Variants in B3GALT1 observed in about 807,000 individuals in gnomAD.
B3GALT1 encodes UDP-Gal:betaGlcNAc beta 1,3-galactosyltransferase, polypeptide 1.
In B3GALT1, 10 loss-of-function variants were observed where a neutral mutation model predicts 23.2. The observed-to-expected ratio is 0.43, with a 90% CI of 0.27 to 0.73. The LOEUF is 0.73. B3GALT1 is among the 30% of genes least tolerant of loss of function. The probability of loss-of-function intolerance (pLI) is 0.21; values close to 1 mark genes in which losing one functional copy is unlikely to be tolerated. For missense variants in B3GALT1, 299 were observed against 405.4 expected, an observed-to-expected ratio of 0.74 and a Z score of 2.25; for synonymous variants, 156 against 141.5, an observed-to-expected ratio of 1.10 and a Z score of -0.73.
intron 1 of B3GALT1, among the ~76,000 whole-genome samples, chr2:167,318,195 C>T (rs574094493): frequency 7.2e-5 from 11 of 151,898 alleles, no homozygotes; most frequent in African/African-American, 2.2e-4. Flanking sequence ...GGTGTGGTGG[C>T]GGGCGCCTGT....
At chr2:167,336,165 C>T (rs1410521896) in intron 1 of B3GALT1, among the ~76,000 whole-genome samples, 1 of 152,098 alleles carries the variant, frequency 6.6e-6, no homozygotes, top group Non-Finnish European at 1.5e-5. Flanking sequence ...AAATTTACAG[C>T]TGTAATGACC....
intron 3 of B3GALT1, among the ~76,000 whole-genome samples, chr2:167,688,916 A>C (rs1391307124): frequency 6.6e-6 from 1 of 152,042 alleles, no homozygotes; most frequent in Non-Finnish European, 1.5e-5. Context: ...TGTATTTACT[A>C]TGTGTGTATG....
intron 1 of B3GALT1, among the ~76,000 whole-genome samples, chr2:167,310,304 T>TGA (rs944664423): frequency 1.5e-4 from 23 of 152,024 alleles, no homozygotes; most frequent in Non-Finnish European, 8.8e-5. Context: ...TATTTACGTT[T>TGA]GAGAGAGAGG....
chr2:167,554,377 A>G (rs947954649), intron 2 of B3GALT1, among the ~76,000 whole-genome samples: 1 of 152,216 alleles, frequency 6.6e-6, no homozygotes, highest in African/African-American at 2.4e-5. Context: ...TAAGGAAGAC[A>G]TCACTAAGCC....
chr2:167,433,120 C>T (rs1698729563), intron 1 of B3GALT1, among the ~76,000 whole-genome samples: 1 of 152,184 alleles, frequency 6.6e-6, no homozygotes. Context: ...TCCTGGAAAC[C>T]ACTAATGGCT....
intron 1 of B3GALT1, among the ~76,000 whole-genome samples, chr2:167,408,834 A>C (rs1161418857): frequency 6.6e-6 from 1 of 151,930 alleles, no homozygotes; most frequent in East Asian, 1.9e-4. Context: ...ACAAAAAAAA[A>C]ACACTGTGCA....
chr2:167,465,260 G>A (rs956499355), intron 1 of B3GALT1, among the ~76,000 whole-genome samples: 2 of 152,014 alleles, frequency 1.3e-5, no homozygotes, highest in Non-Finnish European at 2.9e-5. Context: ...TGTTGCCCAT[G>A]GTGGAATACA....
intron 3 of B3GALT1, among the ~76,000 whole-genome samples, chr2:167,771,777 A>C (rs1688076366): frequency 1.3e-5 from 2 of 152,188 alleles, no homozygotes; most frequent in Non-Finnish European, 2.9e-5. Context: ...TCTACTATGC[A>C]AAAGTAGAGG....
rs1366541815 is a variant in B3GALT1, at chr2:167,611,255, A to G, written c.-409-35654A>G. Among the ~76,000 whole-genome samples, 9 of 152,076 alleles carry G rather than the reference A, an allele frequency of 5.9e-5. No homozygotes were observed. In the East Asian group the frequency reaches 1.5e-3, roughly 26 times the overall value. ...TAATTGAGAAGTTGCTTCACCAATC[A>G]TATTGCCTATGTAGAATAATTCTAG... On this transcript the variant is annotated intron_variant, in intron 2 of 4. Coordinates refer to ENST00000392690, the MANE Select transcript of B3GALT1 (RefSeq NM_020981.4).
At chr2:167,431,839 C>T (rs954088086) in intron 1 of B3GALT1, among the ~76,000 whole-genome samples, 8 of 152,146 alleles carry the variant, frequency 5.3e-5, no homozygotes, top group African/African-American at 1.4e-4. Context: ...GATTATCCCC[C>T]TCTATTCTAA....
intron 2 of B3GALT1, among the ~76,000 whole-genome samples, chr2:167,631,022 G>C (rs1054216883): frequency 7.7e-6 from 1 of 129,178 alleles, no homozygotes; most frequent in Non-Finnish European, 1.6e-5. Context: ...AAAAAAAAGG[G>C]GGGGGAATTT....
At chr2:167,382,553 T>C (rs1349089803) in intron 1 of B3GALT1, among the ~76,000 whole-genome samples, 1 of 152,156 alleles carries the variant, frequency 6.6e-6, no homozygotes, top group Non-Finnish European at 1.5e-5. Flanking sequence ...CAAGAGCTAA[T>C]TGAGCTTTTA....
At chr2:167,670,031 G>A (rs115612776) in intron 3 of B3GALT1, among the ~76,000 whole-genome samples, 280 of 152,250 alleles carry the variant, frequency 1.8e-3, no homozygotes, top group African/African-American at 6.5e-3. Flanking sequence ...AATCTCAGAG[G>A]ATACATCACC....
chr2:167,336,780 T>G, intron 1 of B3GALT1, among the ~76,000 whole-genome samples: 1 of 152,290 alleles, frequency 6.6e-6, no homozygotes, highest in East Asian at 1.9e-4. Context: ...TGATTTTTTC[T>G]TAAATCAGTA....
chr2:167,679,112 T>A (rs1686480987), intron 3 of B3GALT1, among the ~76,000 whole-genome samples: 1 of 118,022 alleles, frequency 8.5e-6, no homozygotes, highest in Admixed American at 9.5e-5. Context: ...GTTTTTGTTT[T>A]TTTGTTTTTG....
chr2:167,652,617 C>T (rs1039403561), intron 3 of B3GALT1, among the ~76,000 whole-genome samples: 1 of 152,056 alleles, frequency 6.6e-6, no homozygotes, highest in Non-Finnish European at 1.5e-5. Context: ...TTACAGATTC[C>T]TTTTAAATGA....
At chr2:167,700,427 A>G (rs1005478134) in intron 3 of B3GALT1, among the ~76,000 whole-genome samples, 1 of 152,160 alleles carries the variant, frequency 6.6e-6, no homozygotes, top group Non-Finnish European at 1.5e-5. Flanking sequence ...TTGAAAAACA[A>G]AAGGATATGG....
chr2:167,333,767 T>C (rs963312104), intron 1 of B3GALT1, among the ~76,000 whole-genome samples: 2 of 152,184 alleles, frequency 1.3e-5, no homozygotes, highest in Admixed American at 6.5e-5. Context: ...ATTTAGGTTA[T>C]TGCAATACTT....
At chr2:167,315,202 C>T (rs1040337135) in intron 1 of B3GALT1, among the ~76,000 whole-genome samples, 8 of 152,044 alleles carry the variant, frequency 5.3e-5, no homozygotes, top group Admixed American at 3.3e-4. Context: ...CCACGTCAAC[C>T]CATATTTAAA....
Sources: allele counts gnomAD v4.1 joint callset (sites outside exome capture counted in the v4.1 genomes callset), GRCh38; gene constraint gnomAD v4.1.1; transcripts MANE v1.5; gene names NCBI Gene and HGNC (gene_info 2026-07-23, HGNC 2026-07-21).